The following NAALADL2 variants were observed in gnomAD, a reference collection of about 807,000 sequenced individuals.
The protein encoded by NAALADL2 is N-acetylated alpha-linked acidic dipeptidase like 2.
NAALADL2 carries 76 observed loss-of-function variants against 87.2 expected under a neutral mutation model. The observed-to-expected ratio is 0.87, with a 90% CI of 0.72 to 1.05. The LOEUF (loss-of-function observed/expected upper bound fraction) is 1.05, where lower values mean the gene tolerates loss of function less well. Ranked by LOEUF, NAALADL2 falls within the 50% of genes least tolerant of loss-of-function variation. The pLI is 0.00. For missense variants in NAALADL2, 1,089 were observed against 945.8 expected, an observed-to-expected ratio of 1.15 and a Z score of -1.99; for synonymous variants, 354 against 331.0, an observed-to-expected ratio of 1.07 and a Z score of -0.75.
rs576197575 is a variant in NAALADL2, at chr3:175,778,856, G to A, written c.2189+23438G>A. Among the ~76,000 whole-genome samples the A allele has an allele frequency of 1.9e-4, 29 of 152,236 alleles. No homozygotes were observed. In the South Asian group the frequency reaches 5.6e-3, roughly 29 times the overall value. On this transcript the variant is annotated intron_variant, in intron 13 of 13. Transcript: ENST00000454872. ...AAAATTTATTCTCTACCCTCCAAGG[G>A]CTTCTTGCTGAGCCTAGGAATTAAA... is the stretch of plus-strand genomic sequence containing the variant.
At chr3:175,562,871 T>C (rs1393137483) in intron 9 of NAALADL2, among the ~76,000 whole-genome samples, 1 of 152,054 alleles carries the variant, frequency 6.6e-6, no homozygotes, top group Non-Finnish European at 1.5e-5. Context: ...TTTCTAAATA[T>C]GATCATTCTA....
intron 1 of NAALADL2, among the ~76,000 whole-genome samples, chr3:174,542,813 C>A (rs1722365432): frequency 6.6e-6 from 1 of 152,096 alleles, no homozygotes. Context: ...CTGGCTCTGG[C>A]CAGTTTCTTC....
At chr3:175,413,388 G>A (rs369310442) in intron 5 of NAALADL2, among the ~76,000 whole-genome samples, 10 of 150,782 alleles carry the variant, frequency 6.6e-5, no homozygotes, top group African/African-American at 2.4e-4. Context: ...TGGCTAACAC[G>A]GTGAAACCCC....
At chr3:175,460,731 G>A (rs1461923535) in intron 6 of NAALADL2, among the ~76,000 whole-genome samples, 4 of 152,268 alleles carry the variant, frequency 2.6e-5, no homozygotes, top group Middle Eastern at 6.8e-3. Flanking sequence ...TCTGTTTGCC[G>A]CATATTCAGA....
chr3:174,846,497 C>T (rs1560282171), intron 3 of NAALADL2, among the ~76,000 whole-genome samples: 1 of 151,956 alleles, frequency 6.6e-6, no homozygotes, highest in Non-Finnish European at 1.5e-5. Context: ...TTGTATGCCA[C>T]ATAATAAAAA....
intron 2 of NAALADL2, among the ~76,000 whole-genome samples, chr3:174,723,310 C>T (rs898846235): frequency 4.6e-5 from 7 of 152,124 alleles, no homozygotes; most frequent in Admixed American, 4.6e-4. Context: ...TAGAATGATA[C>T]TAAATATTTC....
chr3:175,789,473 A>G (rs908037727), intron 13 of NAALADL2, among the ~76,000 whole-genome samples: 19 of 152,162 alleles, frequency 1.2e-4, no homozygotes, highest in Middle Eastern at 3.2e-3. Context: ...ACATTTACAT[A>G]ATTTCAATTG....
At chr3:175,190,656 A>G (rs1386814400) in intron 2 of NAALADL2, among the ~76,000 whole-genome samples, 3 of 152,160 alleles carry the variant, frequency 2.0e-5, no homozygotes, top group Admixed American at 6.5e-5. Flanking sequence ...AGGAGAAAAT[A>G]AAAAGATGTG....
At chr3:174,469,113 G>A (rs950446451) in intron 1 of NAALADL2, among the ~76,000 whole-genome samples, 2 of 152,146 alleles carry the variant, frequency 1.3e-5, no homozygotes, top group Admixed American at 1.3e-4. Flanking sequence ...AGTTATTTGA[G>A]AAAGAGACAG....
At chr3:175,489,974 C>T (rs1433126843) in intron 9 of NAALADL2, among the ~76,000 whole-genome samples, 1 of 152,144 alleles carries the variant, frequency 6.6e-6, no homozygotes, top group Admixed American at 6.6e-5. Context: ...TACCCTCCTC[C>T]GTTTTTAGCC....
chr3:174,870,007 C>CA (rs71624295), intron 1 of NAALADL2, among the ~76,000 whole-genome samples: 2,927 of 59,562 alleles, frequency 0.049, 13 homozygotes, highest in African/African-American at 0.06. Flanking sequence ...CCCCACCCGC[C>CA]AAAAAAAAAA....
At chr3:175,026,527 T>C (rs143723340) in intron 1 of NAALADL2, among the ~76,000 whole-genome samples, 1 of 149,202 alleles carries the variant, frequency 6.7e-6, no homozygotes, top group Non-Finnish European at 1.5e-5. Context: ...TGGTGGCGCA[T>C]GCCTGTAATC....
At chr3:175,199,860 A>ATATATATATATG (rs1739715344) in intron 2 of NAALADL2, among the ~76,000 whole-genome samples, 2 of 15,902 alleles carry the variant, frequency 1.3e-4, no homozygotes, top group African/African-American at 5.8e-4. Flanking sequence ...ATATATATAT[A>ATATATATATATG]TATATTTTTT....
intron 5 of NAALADL2, among the ~76,000 whole-genome samples, chr3:175,444,024 G>A (rs144829910): frequency 2.0e-5 from 3 of 152,128 alleles, no homozygotes; most frequent in East Asian, 1.9e-4. Flanking sequence ...CATGGGGGAC[G>A]TGGCTCATGG....
chr3:175,459,570 A>C (rs1001112836), intron 6 of NAALADL2, among the ~76,000 whole-genome samples: 9 of 152,142 alleles, frequency 5.9e-5, no homozygotes, highest in East Asian at 3.8e-4. Flanking sequence ...GGAAAAAAAA[A>C]CCACACGTAT....
intron 1 of NAALADL2, among the ~76,000 whole-genome samples, chr3:174,945,863 C>T (rs1371807816): frequency 5.9e-5 from 9 of 151,700 alleles, no homozygotes; most frequent in East Asian, 2.0e-4. Context: ...CTGGCTAACA[C>T]GGTGAAACCA....
intron 3 of NAALADL2, among the ~76,000 whole-genome samples, chr3:174,758,717 A>G (rs1712473559): frequency 6.6e-6 from 1 of 152,194 alleles, no homozygotes; most frequent in Non-Finnish European, 1.5e-5. Context: ...GTCCCCCATT[A>G]AACTATGGAG....
chr3:174,586,295 TA>T (rs745809452), intron 2 of NAALADL2, among the ~76,000 whole-genome samples: 2 of 152,066 alleles, frequency 1.3e-5, no homozygotes, highest in Non-Finnish European at 2.9e-5. Context: ...TGGTATACAT[TA>T]TTTTTTTTAT....
chr3:175,799,877 G>A (rs755949197), intron 13 of NAALADL2, among the ~76,000 whole-genome samples: 2 of 151,940 alleles, frequency 1.3e-5, no homozygotes, highest in Non-Finnish European at 2.9e-5. Context: ...TCTGAAAATC[G>A]CTTTAATGTT....
Sources: allele counts gnomAD v4.1 joint callset (sites outside exome capture counted in the v4.1 genomes callset), GRCh38; gene constraint gnomAD v4.1.1; transcripts MANE v1.5; gene names NCBI Gene and HGNC (gene_info 2026-07-23, HGNC 2026-07-21).